Variants in SNTG1 observed in about 807,000 individuals in gnomAD.
SNTG1 encodes gamma-1-syntrophin.
A neutral mutation model predicts 74.7 loss-of-function variants in SNTG1; 39 were observed. That is an observed-to-expected ratio of 0.52 (90% CI 0.40 to 0.68). The LOEUF is 0.68. Among genes scored for constraint, SNTG1 ranks in the 30% least tolerant of loss-of-function variants. SNTG1 has a pLI of 0.00. For synonymous variants in SNTG1, 254 were observed against 217.1 expected (o/e 1.17, Z -1.49); for missense variants, 685 against 609.5 (o/e 1.12, Z -1.30).
chr8:50,109,675 C>A (rs764751190), intron 1 of SNTG1, among the ~76,000 whole-genome samples: 1 of 152,124 alleles, frequency 6.6e-6, no homozygotes, highest in Non-Finnish European at 1.5e-5. Flanking sequence ...AGGGGGAGAT[C>A]CTCGGTTCTT....
chr8:50,780,366 T>C (rs2095655370), intron 18 of SNTG1, among the ~76,000 whole-genome samples: 1 of 152,226 alleles, frequency 6.6e-6, no homozygotes, highest in Non-Finnish European at 1.5e-5. Context: ...TATTGATTAT[T>C]GCCACAATTT....
At chr8:50,431,163 G>T (rs892381470) in intron 4 of SNTG1, among the ~76,000 whole-genome samples, 1 of 152,096 alleles carries the variant, frequency 6.6e-6, no homozygotes, top group Admixed American at 6.6e-5. Context: ...ATACATTAAG[G>T]TTACTCTTGG....
chr8:50,269,005 T>A (rs1188808182), intron 2 of SNTG1, among the ~76,000 whole-genome samples: 1 of 152,106 alleles, frequency 6.6e-6, no homozygotes, highest in Non-Finnish European at 1.5e-5. Context: ...GAAGGTAGGG[T>A]GGCCTTTTCA....
chr8:49,918,659 C>T (rs529838129), intron 1 of SNTG1, among the ~76,000 whole-genome samples: 122 of 152,174 alleles, frequency 8.0e-4, no homozygotes, highest in African/African-American at 2.9e-3. Flanking sequence ...CCCACACAAC[C>T]GCACAAACAC....
At chr8:50,512,393 C>G (rs557515681) in intron 9 of SNTG1, among the ~76,000 whole-genome samples, 3 of 151,882 alleles carry the variant, frequency 2.0e-5, no homozygotes, top group Non-Finnish European at 2.9e-5. Context: ...AATTATGTGT[C>G]TTGGAGTTGC....
At chr8:50,404,982 A>AT (rs1453806736) in intron 4 of SNTG1, among the ~76,000 whole-genome samples, 2 of 152,080 alleles carry the variant, frequency 1.3e-5, no homozygotes, top group African/African-American at 2.4e-5. Context: ...ATATATCAGA[A>AT]TTTCATTCCC....
chr8:50,372,699 A>T (rs2092295444), intron 2 of SNTG1, among the ~76,000 whole-genome samples: 1 of 152,130 alleles, frequency 6.6e-6, no homozygotes, highest in South Asian at 2.1e-4. Context: ...ACAGGATGGG[A>T]TGACAAATAG....
At chr8:50,763,975 A>T (rs545492690) in intron 18 of SNTG1, among the ~76,000 whole-genome samples, 2 of 151,324 alleles carry the variant, frequency 1.3e-5, no homozygotes, top group African/African-American at 4.8e-5. Flanking sequence ...ATAAAAAAAA[A>T]TAGACACACT....
At chr8:49,911,187 C>T (rs186680894), upstream of SNTG1, 176 of 152,238 alleles carry the variant, frequency 1.2e-3, no homozygotes, top group African/African-American at 3.5e-3. Flanking sequence ...AATTGGGTTT[C>T]TCAAAATTTG....
intron 6 of SNTG1, 105 bp from the exon 7 acceptor site, chr8:50,450,451 C>G (rs995402425): frequency 1.6e-6 from 2 of 1,213,918 alleles, no homozygotes; most frequent in Non-Finnish European, 2.3e-6. Context: ...ATATAAGACA[C>G]TTAATTTTTA....
At chr8:50,256,399 T>A (rs751135853) in intron 2 of SNTG1, among the ~76,000 whole-genome samples, 3 of 151,672 alleles carry the variant, frequency 2.0e-5, no homozygotes, top group Non-Finnish European at 2.9e-5. Context: ...AAAAATAATA[T>A]TAAAATATAT....
intron 1 of SNTG1, among the ~76,000 whole-genome samples, chr8:50,045,721 G>T (rs1283761779): frequency 6.6e-6 from 1 of 152,166 alleles, no homozygotes; most frequent in African/African-American, 2.4e-5. Flanking sequence ...AAGACAAATA[G>T]TGGGTAATTT....
At chr8:50,218,254 A>G (rs2084891763) in intron 2 of SNTG1, among the ~76,000 whole-genome samples, 5 of 152,182 alleles carry the variant, frequency 3.3e-5, no homozygotes, top group Admixed American at 3.3e-4. Context: ...AGAAAATTAC[A>G]CAATTGAGGC....
chr8:50,543,545 CTGAGTGATATCCTA>C (rs1245938780), intron 11 of SNTG1, among the ~76,000 whole-genome samples: 1 of 152,002 alleles, frequency 6.6e-6, no homozygotes, highest in Admixed American at 6.6e-5. Context: ...CTTTTCATTT[CTGAGTGATATCCTA>C]TGGTATAGAT....
chr8:50,500,127 A>G (rs1280777349), intron 8 of SNTG1, among the ~76,000 whole-genome samples: 1 of 151,796 alleles, frequency 6.6e-6, no homozygotes, highest in Admixed American at 6.6e-5. Context: ...TTCAGACATT[A>G]TATGTTTAAA....
intron 2 of SNTG1, among the ~76,000 whole-genome samples, chr8:50,362,352 A>G (rs1209326218): frequency 2.6e-5 from 4 of 152,218 alleles, no homozygotes; most frequent in African/African-American, 4.8e-5. Flanking sequence ...AATTATGTTC[A>G]ATAAACTAAC....
chr8:50,595,774 T>A (rs932514411), intron 13 of SNTG1, among the ~76,000 whole-genome samples: 5 of 152,072 alleles, frequency 3.3e-5, no homozygotes, highest in Admixed American at 2.6e-4. Flanking sequence ...TTCTTTTTAA[T>A]ATTGCTCATT....
At chr8:50,514,401 A>T (rs1364768115) in intron 9 of SNTG1, among the ~76,000 whole-genome samples, 1 of 152,128 alleles carries the variant, frequency 6.6e-6, no homozygotes, top group African/African-American at 2.4e-5. Context: ...GCTGCATCCC[A>T]TGAATTTTTG....
intron 2 of SNTG1, among the ~76,000 whole-genome samples, chr8:50,345,686 C>A (rs1012978775): frequency 1.8e-4 from 28 of 152,154 alleles, no homozygotes; most frequent in African/African-American, 6.8e-4. Context: ...TAAGCAATGA[C>A]TATAGACGTT....
Sources: allele counts gnomAD v4.1 joint callset (sites outside exome capture counted in the v4.1 genomes callset), GRCh38; gene constraint gnomAD v4.1.1; transcripts MANE v1.5; gene names NCBI Gene and HGNC (gene_info 2026-07-23, HGNC 2026-07-21).